The following GPC3 variants were observed in gnomAD, a reference collection of about 807,000 sequenced individuals.
GPC3 encodes glypican-3.
A neutral mutation model predicts 34.4 loss-of-function variants in GPC3; 3 were observed. The observed-to-expected ratio is 0.09, with a 90% confidence interval of 0.04 to 0.23. The LOEUF (loss-of-function observed/expected upper bound fraction) is 0.23. GPC3 is among the 10% of genes least tolerant of loss of function. The pLI is 1.00. For synonymous variants in GPC3, 177 were observed against 174.0 expected (o/e 1.02, Z -0.13); for missense variants, 351 against 445.6 (o/e 0.79, Z 1.91).
At chrX:133,537,365 C>T (rs753026377) in intron 7 of GPC3, among the ~76,000 whole-genome samples, 21 of 111,590 alleles carry the variant, frequency 1.9e-4, no homozygotes, top group African/African-American at 5.5e-4. Flanking sequence ...CTGAGATGCC[C>T]GGCAACAGGC....
intron 3 of GPC3, among the ~76,000 whole-genome samples, chrX:133,700,981 A>G (rs1270153066): frequency 9.0e-6 from 1 of 111,730 alleles, no homozygotes; most frequent in Non-Finnish European, 1.9e-5. Context: ...GGTGCTCAAC[A>G]GTCTCCCTTT....
At chrX:133,656,753 G>A (rs1461321668) in intron 6 of GPC3, among the ~76,000 whole-genome samples, 1 of 111,636 alleles carries the variant, frequency 9.0e-6, no homozygotes, top group African/African-American at 3.3e-5. Context: ...ATTGGGTGGG[G>A]GGAAGGGCAA....
intron 2 of GPC3, among the ~76,000 whole-genome samples, chrX:133,770,516 C>G (rs1160435448): frequency 9.0e-6 from 1 of 111,698 alleles, no homozygotes; most frequent in Non-Finnish European, 1.9e-5. Flanking sequence ...TTCAGCTTCT[C>G]TATTTTGTGT....
At chrX:133,839,534 G>A (rs1333209093) in intron 2 of GPC3, among the ~76,000 whole-genome samples, 2 of 111,375 alleles carry the variant, frequency 1.8e-5, no homozygotes, top group East Asian at 5.6e-4. Context: ...GGGCGTTTGG[G>A]TGAAAGCAAA....
chrX:133,888,739 T>G (rs1219834052), intron 2 of GPC3, among the ~76,000 whole-genome samples: 1 of 112,477 alleles, frequency 8.9e-6, no homozygotes, highest in African/African-American at 3.2e-5. Context: ...ATTCTTAGCT[T>G]CAATCCAACA....
At chrX:133,562,231 G>A (rs2069544253) in intron 7 of GPC3, among the ~76,000 whole-genome samples, 1 of 111,637 alleles carries the variant, frequency 9.0e-6, no homozygotes, top group Admixed American at 9.6e-5. Flanking sequence ...GGAGTCACGA[G>A]CAGTTTTCCA....
chrX:133,717,162 A>G (rs2071322270), intron 3 of GPC3, among the ~76,000 whole-genome samples: 1 of 109,898 alleles, frequency 9.1e-6, no homozygotes, highest in African/African-American at 3.3e-5. Flanking sequence ...GGGTTTCACC[A>G]TGTTGGCCAG....
chrX:133,831,513 C>T (rs1362875776), intron 2 of GPC3, among the ~76,000 whole-genome samples: 1 of 111,891 alleles, frequency 8.9e-6, no homozygotes, highest in East Asian at 2.8e-4. Flanking sequence ...GGCGGATCAC[C>T]TGAGGTTTGC....
intron 5 of GPC3, among the ~76,000 whole-genome samples, chrX:133,688,656 C>A (rs1195927217): frequency 9.0e-6 from 1 of 111,275 alleles, no homozygotes; most frequent in Non-Finnish European, 1.9e-5. Context: ...CTATCAGGAT[C>A]CTTGATTTTC....
At chrX:133,959,045 G>C (rs1490255186) in intron 1 of GPC3, among the ~76,000 whole-genome samples, 1 of 111,789 alleles carries the variant, frequency 8.9e-6, no homozygotes, top group African/African-American at 3.3e-5. Context: ...AGCTATGGAA[G>C]CTTTTCTTCT....
At chrX:133,857,845 C>T in intron 2 of GPC3, among the ~76,000 whole-genome samples, 1 of 112,204 alleles carries the variant, frequency 8.9e-6, no homozygotes, top group Non-Finnish European at 1.9e-5. Context: ...GTCCACTAAG[C>T]CTTTTGACAA....
chrX:133,778,876 C>A lies in GPC3; in HGVS notation c.338-24700G>T, dbSNP rs182295634. Reference sequence around the variant, plus strand: ...ACATGAAACACTTTAGATTATCGCACAACACTTGAAAAATTTACATATTTT... The same window carrying A: ...ACATGAAACACTTTAGATTATCGCAAAACACTTGAAAAATTTACATATTTT... On this transcript the variant is annotated intron_variant, in intron 2 of 7. Transcript: ENST00000370818. Among the ~76,000 whole-genome samples, 4 of 112,068 alleles carry A rather than the reference C, an allele frequency of 3.6e-5. No homozygotes were observed. In the East Asian group the frequency reaches 1.1e-3, roughly 31 times the overall value.
chrX:133,671,865 C>T (rs945363462), intron 5 of GPC3, among the ~76,000 whole-genome samples: 3 of 111,394 alleles, frequency 2.7e-5, no homozygotes, highest in Admixed American at 1.9e-4. Flanking sequence ...TCCAAGTGTT[C>T]TCATTGTTCA....
intron 6 of GPC3, among the ~76,000 whole-genome samples, chrX:133,641,651 C>G (rs773891059): frequency 9.0e-6 from 1 of 111,504 alleles, no homozygotes; most frequent in African/African-American, 3.3e-5. Context: ...CTCCCTAGTT[C>G]ATGTGTTAGT....
intron 7 of GPC3, among the ~76,000 whole-genome samples, chrX:133,591,772 G>A: frequency 8.9e-6 from 1 of 111,880 alleles, no homozygotes; most frequent in Admixed American, 9.5e-5. Flanking sequence ...GAATTGTGGA[G>A]CAGTGCCTTG....
At chrX:133,873,453 T>C (rs1569448532) in intron 2 of GPC3, among the ~76,000 whole-genome samples, 1 of 111,694 alleles carries the variant, frequency 9.0e-6, no homozygotes, top group Non-Finnish European at 1.9e-5. Context: ...CCACAAATTA[T>C]TGAAATAAAC....
intron 5 of GPC3, among the ~76,000 whole-genome samples, chrX:133,671,702 G>T (rs1303157028): frequency 9.0e-6 from 1 of 111,101 alleles, no homozygotes; most frequent in Non-Finnish European, 1.9e-5. Context: ...TATACTTTAA[G>T]TGTGCAGGTT....
chrX:133,754,879 G>C lies in GPC3; in HGVS notation c.338-703C>G, dbSNP rs147313855. On this transcript the variant is annotated intron_variant, in intron 2 of 7. Coordinates refer to ENST00000370818, the MANE Select transcript of GPC3 (RefSeq NM_004484.4). Reference sequence around the variant, plus strand: ...TATTTGCAAGCTGAACATCCGGAGGGATAACTACTAAGCTTCCTTGCTAAG... The same window carrying C: ...TATTTGCAAGCTGAACATCCGGAGGCATAACTACTAAGCTTCCTTGCTAAG... Among the ~76,000 whole-genome samples the C allele has an allele frequency of 1.1e-4, 12 of 112,113 alleles. No individual in the cohort carries two copies. The East Asian group carries it at 3.4e-3, about 32-fold the overall frequency.
chrX:133,844,961 A>G (rs1679989811), intron 2 of GPC3, among the ~76,000 whole-genome samples: 1 of 111,713 alleles, frequency 9.0e-6, no homozygotes, highest in South Asian at 3.8e-4. Flanking sequence ...TCCAGGGCCA[A>G]AGCCTGAGGG....
Sources: allele counts gnomAD v4.1 joint callset (sites outside exome capture counted in the v4.1 genomes callset), GRCh38; gene constraint gnomAD v4.1.1; transcripts MANE v1.5; gene names NCBI Gene and HGNC (gene_info 2026-07-23, HGNC 2026-07-21).